The following SLC2A1 variants were observed in gnomAD, a reference collection of about 807,000 sequenced individuals.
SLC2A1 encodes the protein solute carrier family 2 member 1.
SLC2A1 carries 4 observed loss-of-function variants against 46.6 expected under a neutral mutation model. The ratio of observed to expected loss-of-function variants is 0.09; its 90% CI spans 0.04 to 0.20. The LOEUF is 0.20. Among genes scored for constraint, SLC2A1 ranks in the 10% least tolerant of loss-of-function variants. The pLI is 1.00. For synonymous variants in SLC2A1, 253 were observed against 270.0 expected (o/e 0.94, Z 0.62); for missense variants, 352 against 667.0 (o/e 0.53, Z 5.20).
intron 1 of SLC2A1, among the ~76,000 whole-genome samples, chr1:42,944,885 C>T (rs1643634725): frequency 6.6e-6 from 1 of 152,060 alleles, no homozygotes. Flanking sequence ...GAAAGACAGC[C>T]CCCACCCCCC....
rs1266657991 is a variant in SLC2A1, at chr1:42,926,949, C to T, written c.*92G>A. 4.5e-6 allele frequency: 7 copies of T among 1,560,446 alleles called. No individual in the cohort carries two copies. Among genetic ancestry groups the T allele is most frequent in the Non-Finnish European group, 6.1e-6 (7 of 1,153,650 alleles). ...GCCCCAGGCCCGGCTCGGCTGACAT[C>T]TGTCAGGTTTGGAAGTCTCATCCAG... On this transcript the variant is annotated 3_prime_UTR_variant, in exon 10 of 10. Coordinates refer to ENST00000426263, the MANE Select transcript of SLC2A1 (RefSeq NM_006516.4).
intron 1 of SLC2A1, among the ~76,000 whole-genome samples, chr1:42,956,482 G>C (rs1488658210): frequency 6.6e-6 from 1 of 151,660 alleles, no homozygotes; most frequent in African/African-American, 2.4e-5. Flanking sequence ...CTACTCGGGA[G>C]GCTGAGGCAG....
intron 1 of SLC2A1, 86 bp downstream of exon 1, chr1:42,958,548 C>A: frequency 8.5e-7 from 1 of 1,175,750 alleles, no homozygotes; most frequent in Non-Finnish European, 1.1e-6. Flanking sequence ...CGCAGCGGGG[C>A]GGCGGGGGAG....
At chr1:42,933,555 T>TG (rs1289504400) in intron 2 of SLC2A1, among the ~76,000 whole-genome samples, 6 of 152,094 alleles carry the variant, frequency 3.9e-5, no homozygotes. Context: ...TTGATTCTGC[T>TG]GGGGGCAGAC....
At chr1:42,931,792 C>CT (rs1643492646) in intron 2 of SLC2A1, among the ~76,000 whole-genome samples, 1 of 138,634 alleles carries the variant, frequency 7.2e-6, no homozygotes, top group Non-Finnish European at 1.5e-5. Flanking sequence ...TGCCACTGCA[C>CT]TTCAGCCTGA....
intron 1 of SLC2A1, among the ~76,000 whole-genome samples, chr1:42,947,581 CA>C (rs144784155): frequency 0.012 from 639 of 55,562 alleles, 2 homozygotes; most frequent in African/African-American, 0.055. Context: ...CACACACACA[CA>C]AAAAAAAAAA....
In SLC2A1 at chr1:42,931,144, G is replaced by A. The variant is rs754406099; in HGVS notation, c.177C>T (p.Thr59=). The change falls in exon 3 of 10, where the codon ACC becomes ACT. Residue 59 remains threonine, a synonymous_variant. Transcript: ENST00000426263. ...AGAGGGACCAGAGCGTGGTGAGCGT[G>A]GTGGGCAGGATGCTCTCCCCATAGC... is the stretch of plus-strand genomic sequence containing the variant. ...VHRYGESILP[T]TLTTLWSLSV... 1.9e-6 allele frequency: 3 copies of A among 1,614,160 alleles called. No individual in the cohort carries two copies. The highest frequency in any genetic ancestry group is 2.2e-5 in the South Asian group (2 of 91,082).
intron 1 of SLC2A1, chr1:42,952,172 A>C: frequency 1.9e-6 from 1 of 516,012 alleles, no homozygotes; most frequent in Non-Finnish European, 3.5e-6. Flanking sequence ...TTCTGGAATA[A>C]GCAGGGGTGA....
At position 42,954,246 on chromosome 1, in the gene SLC2A1, C is replaced by A. The variant is rs150493169; in HGVS notation, c.18+4388G>T. Among the ~76,000 whole-genome samples the A allele has an allele frequency of 6.6e-6, 1 of 152,110 alleles. No individual in the cohort carries two copies. The highest frequency in any genetic ancestry group is 2.4e-5 in the African/African-American group (1 of 41,468). ...AAAAAAAACACAGCTAGGCCAGGCG[C>A]GGTGGCTCACACCTGTAATCCCAGC... On this transcript the variant is annotated intron_variant, in intron 1 of 9. Coordinates refer to ENST00000426263, the MANE Select transcript of SLC2A1 (RefSeq NM_006516.4). The surrounding 1 kb of genome is among the most constrained non-coding windows in gnomAD (Gnocchi z 4.2).
At chr1:42,938,282 A>G (rs973121370) in intron 2 of SLC2A1, among the ~76,000 whole-genome samples, 2 of 151,938 alleles carry the variant, frequency 1.3e-5, no homozygotes, top group African/African-American at 4.8e-5. Flanking sequence ...GTCCTGTCAC[A>G]CTCACAGCAG....
chr1:42,947,220 C>G (rs546776395), intron 1 of SLC2A1, among the ~76,000 whole-genome samples: 1 of 152,134 alleles, frequency 6.6e-6, no homozygotes, highest in African/African-American at 2.4e-5. Context: ...GAGAAGGGTA[C>G]TAGCCCCATA....
chr1:42,926,756 G>A lies in SLC2A1; in HGVS notation c.*285C>T, dbSNP rs144947295. On this transcript the variant is annotated 3_prime_UTR_variant, in exon 10 of 10. Transcript: ENST00000426263. Reference sequence around the variant, plus strand: ...ATTCAGGGTGAAGCCTGGGATGTGGGCACAGGAGACTCAGGCTGATATAAA... The same window carrying A: ...ATTCAGGGTGAAGCCTGGGATGTGGACACAGGAGACTCAGGCTGATATAAA... 1.7e-5 allele frequency: 24 copies of A among 1,411,798 alleles called. No homozygotes were observed. Among genetic ancestry groups the A allele is most frequent in the Non-Finnish European group, 2.2e-5 (24 of 1,070,294 alleles). 87.5% of individuals were successfully genotyped at this position (1,411,798 alleles called of 1,614,324 possible). A position where few individuals can be genotyped will look rare whatever the true frequency, so the allele number is the denominator to read the frequency against.
intron 2 of SLC2A1, 134 bp from the exon 3 acceptor site, chr1:42,931,340 G>T: frequency 3.4e-6 from 3 of 876,888 alleles, no homozygotes; most frequent in Non-Finnish European, 3.5e-6. Context: ...ATGTTCTTGA[G>T]CCAAGTCCCT....
chr1:42,927,615 T>C lies in SLC2A1; in HGVS notation c.1268A>G (p.Gln423Arg), dbSNP rs587784392. ...AGTGGGGGTTCTCACCTCCACATACTGGAAGCACATGCCCACAATGAAATT... is the reference window on the plus strand; with the variant it reads ...AGTGGGGGTTCTCACCTCCACATACCGGAAGCACATGCCCACAATGAAATT... ...TSNFIVGMCF[Q>R]YVEQLCGPYV... Residue 423 changes from glutamine to arginine, a missense_variant, in exon 9 of 10, where the codon CAG (glutamine) becomes CGG (arginine). Gln to Arg is a conservative substitution (Grantham distance 43). Around this residue, in one of 5 missense-constraint regions of SLC2A1, gnomAD observed 35 missense variants for 107.2 expected, o/e 0.33. Coordinates refer to ENST00000426263, the MANE Select transcript of SLC2A1 (RefSeq NM_006516.4). This position sits in a 1 kb window ranked among gnomAD's most constrained non-coding sequence, Gnocchi z 5.3. 6.2e-7 allele frequency: 1 copy of C among 1,613,764 alleles called. No homozygotes were observed. Among genetic ancestry groups the C allele is most frequent in the African/African-American group, 1.3e-5 (1 of 74,860 alleles).
At chr1:42,945,761 C>CCAAAAAAAA (rs1643648995) in intron 1 of SLC2A1, among the ~76,000 whole-genome samples, 3 of 145,750 alleles carry the variant, frequency 2.1e-5, no homozygotes, top group Admixed American at 6.8e-5. Flanking sequence ...AAACAAAAAA[C>CCAAAAAAAA]AAAAAACAAG....
In SLC2A1 at chr1:42,929,266, G is replaced by A; in HGVS notation, c.916C>T (p.Pro306Ser). The part of the protein sequence containing the change: ...SIFEKAGVQQ[P>S]VYATIGSGIV... ...CCGGAGCCAATGGTGGCATACACAG[G>A]CTGCTGCACCCCCGCCTTCTCGAAG... is the stretch of plus-strand genomic sequence containing the variant. Residue 306 changes from proline to serine, a missense_variant, in exon 7 of 10, where the codon CCT becomes TCT. Pro to Ser is a moderately conservative substitution (Grantham distance 74). This residue lies in a region of SLC2A1 where 167 missense variants were observed against 280.8 expected (regional missense o/e 0.59). Transcript: ENST00000426263. This position sits in a 1 kb window ranked among gnomAD's most constrained non-coding sequence, Gnocchi z 6.0. 6.2e-7 allele frequency: 1 copy of A among 1,614,104 alleles called. No homozygotes were observed. The highest frequency in any genetic ancestry group is 2.2e-5 in the East Asian group (1 of 44,884).
At chr1:42,941,278 C>T (rs1028073827) in intron 2 of SLC2A1, among the ~76,000 whole-genome samples, 5 of 152,172 alleles carry the variant, frequency 3.3e-5, no homozygotes, top group Non-Finnish European at 5.9e-5. Flanking sequence ...TGCTGGTGCC[C>T]ATCCGCCCCT....
intron 2 of SLC2A1, among the ~76,000 whole-genome samples, chr1:42,936,443 G>A (rs1421475456): frequency 6.6e-6 from 1 of 152,154 alleles, no homozygotes; most frequent in Non-Finnish European, 1.5e-5. Context: ...CACACCCCAG[G>A]GTGAGCTGGG....
intron 1 of SLC2A1, among the ~76,000 whole-genome samples, chr1:42,957,859 C>T (rs1643793175): frequency 6.6e-6 from 1 of 152,188 alleles, no homozygotes; most frequent in Non-Finnish European, 1.5e-5. Context: ...CCAGATCCCC[C>T]GCCCCTCCGG....
Sources: allele counts gnomAD v4.1 joint callset (sites outside exome capture counted in the v4.1 genomes callset), GRCh38; gene constraint gnomAD v4.1.1; regional missense constraint gnomAD v4.1.1; non-coding constraint Gnocchi (gnomAD v3.1); transcripts MANE v1.5; gene names NCBI Gene and HGNC (gene_info 2026-07-23, HGNC 2026-07-21).